The following KNTC1 variants were observed in gnomAD, a reference collection of about 807,000 sequenced individuals.
The protein encoded by KNTC1 is kinetochore associated 1, also known as kinetochore-associated protein 1.
Under a neutral mutation model 314.4 loss-of-function variants are expected in KNTC1, and 253 were observed. The observed-to-expected ratio is 0.80, with a 90% confidence interval of 0.73 to 0.89. The LOEUF is 0.89. Among genes scored for constraint, KNTC1 ranks in the 40% least tolerant of loss-of-function variants. The pLI is 0.00. For synonymous variants in KNTC1, 901 were observed against 901.4 expected (o/e 1.00, Z 0.01); for missense variants, 2,475 against 2,572.9 (o/e 0.96, Z 0.82).
At chr12:122,542,150 A>C (rs751116474) in intron 6 of KNTC1, 23 bp downstream of exon 6, 1 of 1,375,452 alleles carries the variant, frequency 7.3e-7, no homozygotes. Flanking sequence ...TTATATTTTT[A>C]TTATTGATTT....
chr12:122,544,006 G>A lies in KNTC1; in HGVS notation c.559-153G>A, dbSNP rs539825079. Among the ~76,000 whole-genome samples, 7 of 148,908 alleles carry A rather than the reference G, an allele frequency of 4.7e-5. No homozygotes were observed. The East Asian group carries it at 7.8e-4, about 17-fold the overall frequency. ...AGAGGTTGTGGTGAGCCGAGATTGC[G>A]CCATTGCACTCTAGCCTGGGCAACA... On this transcript the variant is annotated intron_variant, in intron 7 of 63. Coordinates refer to ENST00000333479, the MANE Select transcript of KNTC1 (RefSeq NM_014708.6).
At position 122,557,786 on chromosome 12, in the gene KNTC1, C is replaced by A. The variant is rs1035565546; in HGVS notation, c.1488+97C>A. The A allele has an allele frequency of 8.8e-6, 7 of 798,990 alleles. No individual in the cohort carries two copies. The East Asian group carries it at 1.6e-4, about 18-fold the overall frequency. 49.5% of individuals were successfully genotyped at this position (798,990 alleles called of 1,614,324 possible). On this transcript the variant is annotated intron_variant, in intron 18 of 63. Transcript: ENST00000333479. The stretch of plus-strand genomic sequence containing the variant: ...CTCAAATATATCTTTTCCTCCTATC[C>A]GCTATGTGTATTATTAATAAAAAAG...
chr12:122,592,369 C>T (rs907834745), intron 42 of KNTC1, among the ~76,000 whole-genome samples: 9 of 152,230 alleles, frequency 5.9e-5, no homozygotes, highest in African/African-American at 1.7e-4. Context: ...TGCTCCACGG[C>T]GCCCAGTCCC....
At chr12:122,573,434 C>A in intron 26 of KNTC1, 149 bp downstream of exon 26, 1 of 736,550 alleles carries the variant, frequency 1.4e-6, no homozygotes, top group African/African-American at 1.8e-5. Context: ...GTTAATTCTG[C>A]TACTAACCAT....
chr12:122,557,468 C>A lies in KNTC1; in HGVS notation c.1357C>A (p.Gln453Lys). 1 of 1,613,786 alleles carries A rather than the reference C, an allele frequency of 6.2e-7. No homozygotes were observed. The highest frequency in any genetic ancestry group is 8.5e-7 in the Non-Finnish European group (1 of 1,179,780). ...VDASEQTEWQ[Q>K]LVDDAKENLH... is the part of the protein sequence containing the mutation. ...TGCCAGTGAACAGACCGAATGGCAA[C>A]AACTTGTAGACGACGCTAAGGAAAA... Residue 453 changes from glutamine to lysine, a missense_variant, in exon 17 of 64, where the codon CAA becomes AAA. Coordinates refer to ENST00000333479, the MANE Select transcript of KNTC1 (RefSeq NM_014708.6).
rs913633011 is a variant in KNTC1, at chr12:122,626,076, C to T, written c.6607-129C>T. 4 of 696,874 alleles carry T rather than the reference C, an allele frequency of 5.7e-6. No homozygotes were observed. In the South Asian group the frequency reaches 6.7e-5, roughly 12 times the overall value. 43.2% of individuals were successfully genotyped at this position (696,874 alleles called of 1,614,324 possible). On this transcript the variant is annotated intron_variant, in intron 63 of 63. Transcript: ENST00000333479. ...CGTTTAAAATCTGTTTCTCTCTAATCTAAAATGCCAAATAGTTTGATATGT... is the reference window on the plus strand; with the variant it reads ...CGTTTAAAATCTGTTTCTCTCTAATTTAAAATGCCAAATAGTTTGATATGT...
chr12:122,576,636 G>A lies in KNTC1; in HGVS notation c.2587-259G>A, dbSNP rs1005465698. 5.9e-5 allele frequency among the ~76,000 whole-genome samples: 9 copies of A among 152,188 alleles called. No individual in the cohort carries two copies. The South Asian group carries it at 1.7e-3, about 28-fold the overall frequency. On this transcript the variant is annotated intron_variant, in intron 29 of 63. Transcript: ENST00000333479. ...GCAGAGGTTGCAGTGAGCCGAGATT[G>A]CGCCACTGCACTGTAGCCTGGCGAC...
intron 43 of KNTC1, among the ~76,000 whole-genome samples, chr12:122,596,059 T>A (rs1165874270): frequency 6.6e-6 from 1 of 152,062 alleles, no homozygotes; most frequent in Non-Finnish European, 1.5e-5. Flanking sequence ...AGTTGTCATT[T>A]TGTCTATAGT....
chr12:122,604,718 C>G, intron 49 of KNTC1, 81 bp downstream of exon 49: 2 of 1,244,044 alleles, frequency 1.6e-6, no homozygotes, highest in African/African-American at 3.0e-5. Flanking sequence ...TCATGCTGCC[C>G]TGGTGCCTAA....
chr12:122,595,556 C>G (rs1389124713), intron 43 of KNTC1, among the ~76,000 whole-genome samples: 1 of 152,140 alleles, frequency 6.6e-6, no homozygotes, highest in Non-Finnish European at 1.5e-5. Flanking sequence ...TTCTTTGTCT[C>G]TGTGGATAGT....
At chr12:122,588,048 G>T (rs1416403958) in intron 39 of KNTC1, among the ~76,000 whole-genome samples, 174 bp downstream of exon 39, 6 of 152,130 alleles carry the variant, frequency 3.9e-5, no homozygotes, top group Non-Finnish European at 8.8e-5. Context: ...GGAATAAGGT[G>T]CCTGCACACA....
chr12:122,559,131 G>A (rs917906603), intron 18 of KNTC1, among the ~76,000 whole-genome samples: 2 of 152,094 alleles, frequency 1.3e-5, no homozygotes, highest in Non-Finnish European at 2.9e-5. Flanking sequence ...GGCAGATCAC[G>A]AGGTCAGGAG....
rs763877172 is a variant in KNTC1 at position 122,530,102 on chromosome 12, C to T, written c.39C>T (p.Thr13=). ...TTGAGCTGCTAACAAATGATGATAC[C>T]GGAAGTGGGTACCTGAGTGTCGGTT... is the stretch of plus-strand genomic sequence containing the variant. ...NDIELLTNDD[T]GSGYLSVGSR... is the part of the protein sequence containing the mutation. Residue 13 remains threonine, a synonymous_variant, in exon 2 of 64, where the codon ACC becomes ACT. Transcript: ENST00000333479. 22 of 1,613,504 alleles carry T rather than the reference C, an allele frequency of 1.4e-5. No individual in the cohort carries two copies. The highest frequency in any genetic ancestry group is 5.0e-5 in the Admixed American group (3 of 59,964).
chr12:122,568,544 CT>C (rs1964489005), intron 21 of KNTC1, among the ~76,000 whole-genome samples, 172 bp downstream of exon 21: 1 of 152,168 alleles, frequency 6.6e-6, no homozygotes. Context: ...ATAAAAAAGA[CT>C]TTCCCCATGG....
chr12:122,599,901 C>T (rs183509254), intron 44 of KNTC1, among the ~76,000 whole-genome samples: 13 of 152,032 alleles, frequency 8.6e-5, no homozygotes, highest in Admixed American at 8.5e-4. Context: ...GCCTGCAGTC[C>T]CAGCTATTTG....
At chr12:122,561,795 A>T in intron 18 of KNTC1, 126 bp from the exon 19 acceptor site, 1 of 673,946 alleles carries the variant, frequency 1.5e-6, no homozygotes, top group Non-Finnish European at 2.5e-6. Flanking sequence ...TTTATAGTTT[A>T]CTATTCATTT....
chr12:122,583,400 A>G (rs1868729893), intron 34 of KNTC1, among the ~76,000 whole-genome samples: 1 of 152,218 alleles, frequency 6.6e-6, no homozygotes. Context: ...CCTTCAGAGC[A>G]TATTTTGGGC....
chr12:122,622,693 A>T, intron 62 of KNTC1, 86 bp downstream of exon 62: 1 of 1,133,562 alleles, frequency 8.8e-7, no homozygotes, highest in Admixed American at 3.0e-5. Flanking sequence ...TCACGACTGT[A>T]ATCCTAGCAC....
rs78912868 is a variant in KNTC1, at chr12:122,557,457, C to A, written c.1346C>A (p.Thr449Asn). Reference sequence around the variant, plus strand: ...AGTTCTGTGGATGCCAGTGAACAGACCGAATGGCAACAACTTGTAGACGAC... The same window carrying A: ...AGTTCTGTGGATGCCAGTGAACAGAACGAATGGCAACAACTTGTAGACGAC... ...ALSSVDASEQ[T>N]EWQQLVDDAK... Residue 449 changes from threonine to asparagine, a missense_variant, in exon 17 of 64, where the codon ACC becomes AAC. Coordinates refer to ENST00000333479, the MANE Select transcript of KNTC1 (RefSeq NM_014708.6). 5,177 of 1,613,684 alleles carry A rather than the reference C, an allele frequency of 3.2e-3. 36 individuals are homozygous for A. The highest frequency in any genetic ancestry group is 0.022 in the African/African-American group (1,615 of 75,010).
Sources: gnomAD v4.1 joint callset for allele counts (sites outside exome capture counted in the v4.1 genomes callset) on GRCh38, gnomAD v4.1.1 for gene constraint, MANE v1.5 for transcripts, NCBI Gene and HGNC (gene_info 2026-07-23, HGNC 2026-07-21) for gene names.